PALLD: variants seen among roughly 807,000 people sequenced by gnomAD.
The protein encoded by PALLD is palladin.
A neutral mutation model predicts 123.5 loss-of-function variants in PALLD; 61 were observed. The observed-to-expected ratio is 0.49, with a 90% CI of 0.40 to 0.61. PALLD has a LOEUF of 0.61. Ranked by LOEUF, PALLD falls within the 20% of genes least tolerant of loss-of-function variation. PALLD has a pLI of 0.00. For missense variants in PALLD, 1,273 were observed against 1,377.0 expected, an observed-to-expected ratio of 0.92 and a Z score of 1.20; for synonymous variants, 465 against 496.4, an observed-to-expected ratio of 0.94 and a Z score of 0.84.
intron 10 of PALLD, among the ~76,000 whole-genome samples, chr4:168,791,891 T>C (rs1737574869): frequency 6.6e-6 from 1 of 151,728 alleles, no homozygotes; most frequent in South Asian, 2.1e-4. Flanking sequence ...TTTTATAACA[T>C]AAAATCTTCT....
intron 2 of PALLD, among the ~76,000 whole-genome samples, chr4:168,564,217 T>C (rs2319900): frequency 0.73 from 110,330 of 152,136 alleles, 40,424 homozygotes; most frequent in East Asian, 0.85. Flanking sequence ...TTCTAGGTCT[T>C]TTGTTCAAAT....
chr4:168,747,977 A>G lies in PALLD; in HGVS notation c.1964+36054A>G, dbSNP rs111666514. The stretch of plus-strand genomic sequence containing the variant: ...TTTTTCTTATCAATTCCCACTTCAC[A>G]TTCCCCGTTGTGATCAGCTTTCTGA... On this transcript the variant is annotated intron_variant, in intron 10 of 21. Transcript: ENST00000505667. Among the ~76,000 whole-genome samples, 976 of 152,264 alleles carry G rather than the reference A, an allele frequency of 6.4e-3. 10 individuals are homozygous for G. Among genetic ancestry groups the G allele is most frequent in the African/African-American group, 0.022 (915 of 41,544 alleles).
intron 2 of PALLD, among the ~76,000 whole-genome samples, chr4:168,556,057 C>T (rs1767252389): frequency 6.6e-6 from 1 of 152,102 alleles, no homozygotes; most frequent in Non-Finnish European, 1.5e-5. Context: ...CAGCTTCTAA[C>T]ACATAGTATA....
intron 2 of PALLD, among the ~76,000 whole-genome samples, chr4:168,518,020 G>A (rs1196824621): frequency 2.4e-5 from 2 of 83,110 alleles, no homozygotes; most frequent in East Asian, 4.9e-4. Context: ...CAAATTTGTC[G>A]AAAACTAAAC....
chr4:168,614,853 G>T (rs2149779587), intron 2 of PALLD, among the ~76,000 whole-genome samples: 1 of 152,306 alleles, frequency 6.6e-6, no homozygotes, highest in South Asian at 2.1e-4. Context: ...ACATCAGTGT[G>T]GGATGGTAAC....
intron 10 of PALLD, among the ~76,000 whole-genome samples, chr4:168,810,147 G>T (rs1328205419): frequency 6.6e-6 from 1 of 152,000 alleles, no homozygotes; most frequent in African/African-American, 2.4e-5. Flanking sequence ...AAGCAAGATC[G>T]TAAGAGGTTG....
chr4:168,891,579 C>CA (rs1405116622), intron 11 of PALLD, among the ~76,000 whole-genome samples: 1 of 151,068 alleles, frequency 6.6e-6, no homozygotes, highest in Non-Finnish European at 1.5e-5. Flanking sequence ...TTCTCCTATG[C>CA]AAAAAACCTT....
chr4:168,633,982 A>G (rs992008647), intron 2 of PALLD, among the ~76,000 whole-genome samples: 1 of 152,240 alleles, frequency 6.6e-6, no homozygotes, highest in Non-Finnish European at 1.5e-5. Context: ...AAAAGCTCCA[A>G]TGGCACTTGC....
chr4:168,526,352 C>T (rs965606939), intron 2 of PALLD, among the ~76,000 whole-genome samples: 2 of 152,150 alleles, frequency 1.3e-5, no homozygotes, highest in Admixed American at 6.5e-5. Flanking sequence ...CAGAAAAAGA[C>T]CAAACCCAGC....
chr4:168,587,254 G>A (rs1770924849), intron 2 of PALLD, among the ~76,000 whole-genome samples: 1 of 152,156 alleles, frequency 6.6e-6, no homozygotes, highest in Admixed American at 6.5e-5. Context: ...GGAAAATTCT[G>A]GCATCATGAT....
chr4:168,746,777 A>G (rs528051215), intron 10 of PALLD, among the ~76,000 whole-genome samples: 1 of 152,348 alleles, frequency 6.6e-6, no homozygotes, highest in African/African-American at 2.4e-5. Flanking sequence ...ACTTGGAAAT[A>G]TTTAAAGTTG....
intron 3 of PALLD, among the ~76,000 whole-genome samples, chr4:168,680,436 T>C (rs1430347300): frequency 7.2e-6 from 1 of 138,848 alleles, no homozygotes; most frequent in Admixed American, 7.7e-5. Context: ...GAGCCAAGAT[T>C]GCGCCACTGC....
intron 10 of PALLD, among the ~76,000 whole-genome samples, chr4:168,792,068 A>G (rs1191885800): frequency 1.3e-5 from 2 of 152,196 alleles, no homozygotes; most frequent in South Asian, 4.1e-4. Flanking sequence ...TTTCCTCTGA[A>G]GAATGCACAT....
rs759906887 is a variant in PALLD, at chr4:168,511,518, CCT to C, written c.16_17del (p.Ser6ProfsTer2). 6 of 1,613,692 alleles carry C rather than the reference CCT, an allele frequency of 3.7e-6. No individual in the cohort carries two copies. In the African/African-American group the frequency reaches 6.7e-5, roughly 18 times the overall value. The stretch of plus-strand genomic sequence containing the variant: ...GACCGTTCAAATATGTCAGGGACCT[CCT>C]CCCATGAGTCCTTCTATGACTCCCT... On this transcript the variant is annotated frameshift_variant, in exon 2 of 22. Transcript: ENST00000505667. LOFTEE classifies it high-confidence loss of function.
chr4:168,617,844 A>G (rs1441249485), intron 2 of PALLD, among the ~76,000 whole-genome samples: 1 of 152,232 alleles, frequency 6.6e-6, no homozygotes, highest in Non-Finnish European at 1.5e-5. Context: ...GTAAGAGGAA[A>G]GAAAATGAAA....
At chr4:168,663,968 A>C (rs1779378470) in intron 2 of PALLD, among the ~76,000 whole-genome samples, 1 of 152,208 alleles carries the variant, frequency 6.6e-6, no homozygotes, top group Non-Finnish European at 1.5e-5. Flanking sequence ...ATCCGATGAA[A>C]TAACAAATAG....
At chr4:168,722,165 C>T (rs947397850) in intron 10 of PALLD, among the ~76,000 whole-genome samples, 1 of 152,154 alleles carries the variant, frequency 6.6e-6, no homozygotes, top group African/African-American at 2.4e-5. Flanking sequence ...CTGCCTCAGC[C>T]TCCCAAGTAG....
chr4:168,925,467 A>G (rs1024877503), intron 21 of PALLD, 189 bp downstream of exon 21: 63 of 610,672 alleles, frequency 1.0e-4, no homozygotes, highest in Non-Finnish European at 1.7e-4. Context: ...TTCTTCCTAT[A>G]TTCTATCGCA....
In PALLD at chr4:168,750,100, A is replaced by G. The variant is rs976078506; in HGVS notation, c.1964+38177A>G. 3.9e-5 allele frequency among the ~76,000 whole-genome samples: 6 copies of G among 152,212 alleles called. No individual in the cohort carries two copies. In the East Asian group the frequency reaches 1.2e-3, roughly 29 times the overall value. On this transcript the variant is annotated intron_variant, in intron 10 of 21. Coordinates refer to ENST00000505667, the MANE Select transcript of PALLD (RefSeq NM_001166108.2). ...GTAGCTGGGATTACAGGCACCTGCC[A>G]CCACACCCAGCTAATTTCTGTATTT...
Sources: gnomAD v4.1 joint callset for allele counts (sites outside exome capture counted in the v4.1 genomes callset) on GRCh38, gnomAD v4.1.1 for gene constraint, MANE v1.5 for transcripts, NCBI Gene and HGNC (gene_info 2026-07-23, HGNC 2026-07-21) for gene names.